ZBTB41: variants seen among roughly 807,000 people sequenced by gnomAD.
The protein encoded by ZBTB41 is zinc finger and BTB domain-containing protein 41.
In ZBTB41, 42 loss-of-function variants were observed where a neutral mutation model predicts 87.6. That is an observed-to-expected ratio of 0.48 (90% CI 0.37 to 0.62). The LOEUF is 0.62. Ranked by LOEUF, ZBTB41 falls within the 20% of genes least tolerant of loss-of-function variation. The probability of loss-of-function intolerance (pLI) is 0.00; values close to 1 mark genes in which losing one functional copy is unlikely to be tolerated. For missense variants in ZBTB41, 799 were observed against 1,078.9 expected (o/e 0.74, Z 3.63); for synonymous variants, 364 against 364.0 (o/e 1.00, Z 0.00).
At chr1:197,160,139 T>A (rs1659164192) in intron 10 of ZBTB41, 125 bp from the exon 11 acceptor site, 2 of 677,924 alleles carry the variant, frequency 3.0e-6, no homozygotes, top group East Asian at 5.4e-5. Flanking sequence ...TAATACTGTA[T>A]ACTATCACAA....
At chr1:197,166,682 TAAA>T (rs35752770) in intron 10 of ZBTB41, among the ~76,000 whole-genome samples, 1 of 145,218 alleles carries the variant, frequency 6.9e-6, no homozygotes. Flanking sequence ...CATCTCTACT[TAAA>T]AAAAAAAAAA....
chr1:197,189,586 G>C (rs1659974471), intron 4 of ZBTB41, among the ~76,000 whole-genome samples: 1 of 151,828 alleles, frequency 6.6e-6, no homozygotes, highest in African/African-American at 2.4e-5. Flanking sequence ...GTAGAATAAA[G>C]ATGTCCATAA....
At position 197,179,454 on chromosome 1, in the gene ZBTB41, C is replaced by T. The variant is rs117280703; in HGVS notation, c.1677-942G>A. Among the ~76,000 whole-genome samples the T allele has an allele frequency of 6.8e-4, 104 of 151,990 alleles. 1 individual carries two copies. In the East Asian group the frequency reaches 0.018, roughly 27 times the overall value. On this transcript the variant is annotated intron_variant, in intron 6 of 10. Transcript: ENST00000367405. Reference sequence around the variant, plus strand: ...GTACATAATTATTGATAATGATAAGCGACTATGTTACTGGTATGTATTTAC... The same window carrying T: ...GTACATAATTATTGATAATGATAAGTGACTATGTTACTGGTATGTATTTAC...
intron 10 of ZBTB41, among the ~76,000 whole-genome samples, chr1:197,170,625 TG>T (rs937457101): frequency 1.3e-5 from 2 of 152,124 alleles, no homozygotes; most frequent in Non-Finnish European, 2.9e-5. Flanking sequence ...CTTGGGAACA[TG>T]GTGACCATTT....
chr1:197,180,237 G>A (rs370409579), intron 6 of ZBTB41, among the ~76,000 whole-genome samples: 3 of 152,192 alleles, frequency 2.0e-5, no homozygotes, highest in East Asian at 3.9e-4. Context: ...ATGCTATACA[G>A]GTTTGTAGCC....
At chr1:197,195,496 G>A (rs1660141122) in intron 2 of ZBTB41, among the ~76,000 whole-genome samples, 1 of 152,110 alleles carries the variant, frequency 6.6e-6, no homozygotes, top group Admixed American at 6.5e-5. Flanking sequence ...TTAGTCTAAA[G>A]AATATGTAAT....
Position 197,191,903 on chromosome 1 carries a change from T to A in ZBTB41, c.1121-4A>T. 1 of 1,566,068 alleles carries A rather than the reference T, an allele frequency of 6.4e-7. No individual in the cohort carries two copies. Among genetic ancestry groups the A allele is most frequent in the South Asian group, 1.2e-5 (1 of 81,672 alleles). On this transcript the variant is annotated splice_region_variant and splice_polypyrimidine_tract_variant and intron_variant, in intron 2 of 10. Transcript: ENST00000367405. ...CGGGTGTGGCTCTCATATTTTCCTA[T>A]AAAAAAAGAAAAATTAAAATTAAAT... is the stretch of plus-strand genomic sequence containing the variant.
intron 8 of ZBTB41, chr1:197,175,973 T>G (rs1408455276): frequency 2.0e-5 from 3 of 152,078 alleles, no homozygotes; most frequent in African/African-American, 7.2e-5. Flanking sequence ...CCCATTATTG[T>G]GCTCACAGAG....
rs952567608 is a variant in ZBTB41 at position 197,199,968 on chromosome 1, T to C, written c.506A>G (p.Asp169Gly). 6.2e-7 allele frequency: 1 copy of C among 1,613,612 alleles called. No homozygotes were observed. The highest frequency in any genetic ancestry group is 8.5e-7 in the Non-Finnish European group (1 of 1,179,846). The part of the protein sequence containing the change: ...LEAAKFLDII[D>G]AVKLLNNENV... Reference sequence around the variant, plus strand: ...TTCGTTATTTAACAACTTCACTGCATCTATAATGTCCAAAAATTTTGCAGC... The same window carrying C: ...TTCGTTATTTAACAACTTCACTGCACCTATAATGTCCAAAAATTTTGCAGC... Residue 169 changes from aspartate (D) to glycine (G), a missense_variant, in exon 2 of 11, where the codon GAT (aspartate) becomes GGT (glycine). Physicochemically the swap from Asp to Gly is moderately conservative, Grantham distance 94. This residue lies in a region of ZBTB41 where 294 missense variants were observed against 340.1 expected (regional missense o/e 0.86). Transcript: ENST00000367405.
chr1:197,172,427 C>G (rs1434161184), intron 9 of ZBTB41, among the ~76,000 whole-genome samples, 179 bp from the exon 10 acceptor site: 3 of 151,800 alleles, frequency 2.0e-5, no homozygotes, highest in Admixed American at 2.0e-4. Context: ...CATGGAAATA[C>G]TTTTAATATG....
At chr1:197,198,608 C>G (rs1225684295) in intron 2 of ZBTB41, among the ~76,000 whole-genome samples, 6 of 152,168 alleles carry the variant, frequency 3.9e-5, no homozygotes, top group African/African-American at 9.6e-5. Context: ...TCAGACACTT[C>G]CAAGAATTAT....
chr1:197,164,198 C>T (rs1295957082), intron 10 of ZBTB41, among the ~76,000 whole-genome samples: 1 of 151,930 alleles, frequency 6.6e-6, no homozygotes, highest in Non-Finnish European at 1.5e-5. Flanking sequence ...TTTATCTTTT[C>T]TAGAAGGTAA....
chr1:197,188,544 C>T, intron 4 of ZBTB41, 105 bp from the exon 5 acceptor site: 1 of 1,120,816 alleles, frequency 8.9e-7, no homozygotes, highest in Non-Finnish European at 1.2e-6. Context: ...AGAGACTTTT[C>T]TCCCAACAGA....
rs569462802 is a variant in ZBTB41 at position 197,184,524 on chromosome 1, T to C, written c.1547-3407A>G. On this transcript the variant is annotated intron_variant, in intron 5 of 10. Coordinates refer to ENST00000367405, the MANE Select transcript of ZBTB41 (RefSeq NM_194314.3). ...TAAAATATATATTTGTCAATATCCA[T>C]CTTAAATGTGGTATACAGAAATGAA... Among the ~76,000 whole-genome samples, 35 of 152,302 alleles carry C rather than the reference T, an allele frequency of 2.3e-4. 1 individual carries two copies. The highest frequency in any genetic ancestry group is 8.4e-4 in the African/African-American group (35 of 41,576).
chr1:197,161,952 C>G (rs1453673052), intron 10 of ZBTB41, among the ~76,000 whole-genome samples: 4 of 151,770 alleles, frequency 2.6e-5, no homozygotes, highest in Non-Finnish European at 5.9e-5. Flanking sequence ...TTCTCTGGCA[C>G]AGGACCAGCA....
chr1:197,174,161 G>T (rs1450008560), intron 9 of ZBTB41, among the ~76,000 whole-genome samples: 1 of 152,074 alleles, frequency 6.6e-6, no homozygotes, highest in East Asian at 1.9e-4. Context: ...TTACCACATG[G>T]ATGCTAAGCC....
At chr1:197,190,917 C>T in intron 3 of ZBTB41, 86 bp from the exon 4 acceptor site, 2 of 839,890 alleles carry the variant, frequency 2.4e-6, no homozygotes, top group Non-Finnish European at 3.7e-6. Flanking sequence ...CAGTAATTAC[C>T]AGGATCAAGT....
At chr1:197,179,358 G>A (rs1659686378) in intron 6 of ZBTB41, among the ~76,000 whole-genome samples, 1 of 152,018 alleles carries the variant, frequency 6.6e-6, no homozygotes, top group African/African-American at 2.4e-5. Flanking sequence ...ACATGTTTGT[G>A]GTGATGCTGT....
At chr1:197,175,758 C>T (rs1186643060) in intron 8 of ZBTB41, among the ~76,000 whole-genome samples, 1 of 151,608 alleles carries the variant, frequency 6.6e-6, no homozygotes, top group Non-Finnish European at 1.5e-5. Context: ...TAAGAATTCT[C>T]CTCATAAAAA....
Sources: allele counts gnomAD v4.1 joint callset (sites outside exome capture counted in the v4.1 genomes callset), GRCh38; gene constraint gnomAD v4.1.1; regional missense constraint gnomAD v4.1.1; transcripts MANE v1.5; gene names NCBI Gene and HGNC (gene_info 2026-07-23, HGNC 2026-07-21).